The following KCNMA1 variants were observed in gnomAD, a reference collection of about 807,000 sequenced individuals.
The protein encoded by KCNMA1 is potassium calcium-activated channel subfamily M alpha 1.
In KCNMA1, 29 loss-of-function variants were observed where a neutral mutation model predicts 140.0. That is an observed-to-expected ratio of 0.21 (90% confidence interval 0.15 to 0.28). KCNMA1 has a LOEUF of 0.28. KCNMA1 is among the 10% of genes least tolerant of loss of function. The probability of loss-of-function intolerance (pLI) is 1.00; values close to 1 mark genes in which losing one functional copy is unlikely to be tolerated. For synonymous variants in KCNMA1, 612 were observed against 611.9 expected, an observed-to-expected ratio of 1.00 and a Z score of 0.00; for missense variants, 880 against 1,602.2, an observed-to-expected ratio of 0.55 and a Z score of 7.70.
chr10:77,258,734 G>T (rs1051488542), intron 2 of KCNMA1, among the ~76,000 whole-genome samples: 1 of 152,070 alleles, frequency 6.6e-6, no homozygotes, highest in South Asian at 2.1e-4. Flanking sequence ...AGGCTGAGGC[G>T]GGTGGATTAC....
chr10:77,445,365 G>GAGAC (rs371623216), intron 1 of KCNMA1, among the ~76,000 whole-genome samples: 10,885 of 141,228 alleles, frequency 0.077, 483 homozygotes, highest in East Asian at 0.16. Flanking sequence ...CACATACACA[G>GAGAC]ACACACACAC....
chr10:77,633,408 T>A (rs2093421551), intron 1 of KCNMA1, among the ~76,000 whole-genome samples: 1 of 151,992 alleles, frequency 6.6e-6, no homozygotes, highest in African/African-American at 2.4e-5. Flanking sequence ...AGCTCCCCCG[T>A]GACTAGGACC....
chr10:77,597,565 A>G (rs2673471), intron 1 of KCNMA1, among the ~76,000 whole-genome samples: 136,245 of 152,242 alleles, frequency 0.89, 61,205 homozygotes, highest in Middle Eastern at 0.96. Flanking sequence ...CAAGAATGTA[A>G]TAAGATCCCA....
chr10:76,884,798 AG>A (rs532863322), downstream of KCNMA1: 420 of 727,472 alleles, frequency 5.8e-4, 6 homozygotes, highest in South Asian at 8.8e-3. Flanking sequence ...GGGAAAGGGG[AG>A]GGGGGGAAAA....
rs2151870215 is a variant in KCNMA1 at position 76,891,522 on chromosome 10, C to T, written c.3342+3G>A. On this transcript the variant is annotated splice_donor_region_variant and intron_variant, in intron 26 of 27. Coordinates refer to ENST00000286628, the MANE Select transcript of KCNMA1 (RefSeq NM_001161352.2). ...TCAGGTGACCTCGGTGCTGTGGACTCACCCCTAAGTCCGCAAATGGCCCAT... is the reference window on the plus strand; with the variant it reads ...TCAGGTGACCTCGGTGCTGTGGACTTACCCCTAAGTCCGCAAATGGCCCAT... The T allele has an allele frequency of 6.2e-7, 1 of 1,611,118 alleles. No homozygotes were observed. Among genetic ancestry groups the T allele is most frequent in the East Asian group, 2.2e-5 (1 of 44,834 alleles).
At chr10:76,976,367 T>C (rs999993) in intron 19 of KCNMA1, among the ~76,000 whole-genome samples, 44,053 of 152,074 alleles carry the variant, frequency 0.29, 6,808 homozygotes, top group African/African-American at 0.38. Context: ...CTAGGAAACC[T>C]GAATTGTGTA....
chr10:77,471,659 A>G (rs1448998075), intron 1 of KCNMA1, among the ~76,000 whole-genome samples: 1 of 150,292 alleles, frequency 6.7e-6, no homozygotes, highest in Admixed American at 6.6e-5. Context: ...GACACATCAC[A>G]CACTACACAC....
In KCNMA1 at chr10:77,028,249, A is replaced by C. The variant is rs571485624; in HGVS notation, c.1860-358T>G. ...ACTACAGGGGGAGGGAAAGATTTGGACCAGCTGGACCTGTTATTTGGATTC... is the reference window on the plus strand; with the variant it reads ...ACTACAGGGGGAGGGAAAGATTTGGCCCAGCTGGACCTGTTATTTGGATTC... On this transcript the variant is annotated intron_variant, in intron 15 of 27. Coordinates refer to ENST00000286628, the MANE Select transcript of KCNMA1 (RefSeq NM_001161352.2). Among the ~76,000 whole-genome samples the C allele has an allele frequency of 1.1e-4, 16 of 152,186 alleles. No individual in the cohort carries two copies. The South Asian group carries it at 3.3e-3, about 32-fold the overall frequency.
chr10:77,325,189 A>G (rs541741277), intron 2 of KCNMA1, among the ~76,000 whole-genome samples: 9 of 152,280 alleles, frequency 5.9e-5, no homozygotes, highest in Admixed American at 5.2e-4. Flanking sequence ...AGAACAATAA[A>G]CAGATTCACC....
intron 11 of KCNMA1, among the ~76,000 whole-genome samples, chr10:77,085,252 A>G (rs532415718): frequency 7.2e-5 from 11 of 152,320 alleles, no homozygotes; most frequent in Non-Finnish European, 1.5e-5. Context: ...TAACATCACC[A>G]TATTGCTTAG....
chr10:77,131,797 T>G (rs938467162), intron 5 of KCNMA1, among the ~76,000 whole-genome samples: 4 of 151,588 alleles, frequency 2.6e-5, no homozygotes, highest in Non-Finnish European at 5.9e-5. Context: ...AAACCCCATC[T>G]CTACTAAAAA....
intron 1 of KCNMA1, among the ~76,000 whole-genome samples, chr10:77,503,068 A>G (rs2044499672): frequency 6.6e-6 from 1 of 152,166 alleles, no homozygotes; most frequent in Non-Finnish European, 1.5e-5. Flanking sequence ...CCTAGGCAAC[A>G]TAGCTAGATC....
intron 5 of KCNMA1, among the ~76,000 whole-genome samples, chr10:77,169,098 G>A (rs1472052353): frequency 6.6e-6 from 1 of 152,210 alleles, no homozygotes; most frequent in African/African-American, 2.4e-5. Context: ...GATCAAAAGA[G>A]TGGCTCAGAC....
chr10:77,199,921 A>G (rs796103172), intron 3 of KCNMA1, among the ~76,000 whole-genome samples: 3 of 152,218 alleles, frequency 2.0e-5, no homozygotes, highest in African/African-American at 7.2e-5. Context: ...GGAAATAGGG[A>G]GCTGACAGAA....
At chr10:76,894,080 C>T (rs2041449792) in intron 25 of KCNMA1, among the ~76,000 whole-genome samples, 1 of 152,148 alleles carries the variant, frequency 6.6e-6, no homozygotes, top group Admixed American at 6.5e-5. Context: ...AGTTTCAAAA[C>T]ATACTACAAG....
intron 2 of KCNMA1, among the ~76,000 whole-genome samples, chr10:77,332,670 G>A (rs544033939): frequency 4.6e-5 from 7 of 152,318 alleles, no homozygotes; most frequent in Admixed American, 2.6e-4. Context: ...GGAGGGTTTT[G>A]CAGTGGTAGG....
At chr10:77,423,377 G>A (rs915897318) in intron 1 of KCNMA1, among the ~76,000 whole-genome samples, 1 of 152,054 alleles carries the variant, frequency 6.6e-6, no homozygotes, top group African/African-American at 2.4e-5. Context: ...TTCTCTAATC[G>A]ACATAGAAAC....
intron 2 of KCNMA1, among the ~76,000 whole-genome samples, chr10:77,391,636 G>GTTTT (rs1052746087): frequency 1.3e-5 from 2 of 151,764 alleles, no homozygotes; most frequent in Admixed American, 1.3e-4. Context: ...TTGTTTGTTT[G>GTTTT]TTTGTTTGTT....
intron 1 of KCNMA1, among the ~76,000 whole-genome samples, chr10:77,449,321 G>A (rs1261389333): frequency 7.2e-5 from 11 of 152,122 alleles, no homozygotes; most frequent in Non-Finnish European, 1.5e-5. Context: ...CTAGGGTGAT[G>A]CTATTAAAAA....
Sources: allele counts gnomAD v4.1 joint callset (sites outside exome capture counted in the v4.1 genomes callset), GRCh38; gene constraint gnomAD v4.1.1; transcripts MANE v1.5; gene names NCBI Gene and HGNC (gene_info 2026-07-23, HGNC 2026-07-21).